Variants in SMCO2 observed in about 807,000 individuals in gnomAD.
The protein encoded by SMCO2 is single-pass membrane protein with coiled-coil domains 2.
Under a neutral mutation model 29.5 loss-of-function variants are expected in SMCO2, and 25 were observed. The observed-to-expected ratio is 0.85, with a 90% CI of 0.62 to 1.18. The LOEUF (loss-of-function observed/expected upper bound fraction) is 1.18. Among genes scored for constraint, SMCO2 ranks in the 50% most tolerant of loss-of-function variants. The probability of loss-of-function intolerance (pLI) is 0.00; values close to 1 mark genes in which losing one functional copy is unlikely to be tolerated. For missense variants in SMCO2, 348 were observed against 344.5 expected (o/e 1.01, Z -0.08); for synonymous variants, 117 against 123.3 (o/e 0.95, Z 0.34).
intron 4 of SMCO2, among the ~76,000 whole-genome samples, chr12:27,481,471 T>C (rs12316717): frequency 0.067 from 10,254 of 152,258 alleles, 723 homozygotes; most frequent in East Asian, 0.26. Flanking sequence ...AATATCAGAA[T>C]AACACTTGCC....
the SMCO2 span, among the ~76,000 whole-genome samples, chr12:27,458,086 G>A: frequency 3.3e-5 from 5 of 152,238 alleles, no homozygotes; most frequent in East Asian, 1.9e-4. Flanking sequence ...AATTGTATCC[G>A]CTTGTGCTTA....
chr12:27,455,905 G>A, the SMCO2 span, among the ~76,000 whole-genome samples: 1 of 152,256 alleles, frequency 6.6e-6, no homozygotes, highest in African/African-American at 2.4e-5. Flanking sequence ...TCACAGCAAT[G>A]TTACATACAA....
At chr12:27,428,316 A>T in the SMCO2 span, among the ~76,000 whole-genome samples, 1 of 152,216 alleles carries the variant, frequency 6.6e-6, no homozygotes, top group African/African-American at 2.4e-5. Flanking sequence ...TTCAACCTAC[A>T]CCCAGGAATG....
chr12:27,470,522 C>A, intron 1 of SMCO2, 100 bp from the exon 2 acceptor site: 4 of 1,339,746 alleles, frequency 3.0e-6, no homozygotes, highest in Non-Finnish European at 4.0e-6. Flanking sequence ...GGAATTAAAG[C>A]CAAATGCCCT....
chr12:27,493,532 C>CAA (rs60554184), intron 5 of SMCO2, among the ~76,000 whole-genome samples: 1 of 144,032 alleles, frequency 6.9e-6, no homozygotes, highest in African/African-American at 2.5e-5. Context: ...GACCTTGTCT[C>CAA]AAAAAAAAAA....
At chr12:27,493,120 G>A (rs188282204) in intron 5 of SMCO2, among the ~76,000 whole-genome samples, 17 of 152,244 alleles carry the variant, frequency 1.1e-4, no homozygotes, top group African/African-American at 3.6e-4. Flanking sequence ...TTATAAGTGG[G>A]AGCCAAATGA....
chr12:27,483,723 C>G (rs976698053), intron 4 of SMCO2, among the ~76,000 whole-genome samples: 31 of 152,106 alleles, frequency 2.0e-4, no homozygotes, highest in African/African-American at 7.5e-4. Context: ...TTATGCCCAT[C>G]CTTTTTCATT....
intron 4 of SMCO2, among the ~76,000 whole-genome samples, chr12:27,478,558 T>TG (rs768932923): frequency 9.2e-5 from 14 of 152,172 alleles, no homozygotes; most frequent in East Asian, 7.7e-4. Flanking sequence ...GGCAGTGAGC[T>TG]GGGGGGGCCA....
chr12:27,423,410 A>G, the SMCO2 span: 2 of 134,628 alleles, frequency 1.5e-5, no homozygotes, highest in African/African-American at 5.7e-5. Flanking sequence ...GCTCACTGCC[A>G]TCTCTGCCTC....
chr12:27,476,570 G>C (rs979541296), intron 4 of SMCO2, among the ~76,000 whole-genome samples: 3 of 151,882 alleles, frequency 2.0e-5, no homozygotes, highest in Non-Finnish European at 4.4e-5. Context: ...ATTTAGAATT[G>C]TTATATCCTC....
At chr12:27,468,520 A>G (rs1949516093) in intron 1 of SMCO2, among the ~76,000 whole-genome samples, 1 of 152,222 alleles carries the variant, frequency 6.6e-6, no homozygotes, top group East Asian at 1.9e-4. Context: ...GAGTTGTCCA[A>G]CATGATAGTC....
At chr12:27,478,902 A>C (rs1949615440) in intron 4 of SMCO2, among the ~76,000 whole-genome samples, 1 of 152,064 alleles carries the variant, frequency 6.6e-6, no homozygotes, top group South Asian at 2.1e-4. Flanking sequence ...CCCCAGTGCT[A>C]TTGATGGTGG....
chr12:27,454,276 GCC>G, the SMCO2 span, among the ~76,000 whole-genome samples: 2 of 152,190 alleles, frequency 1.3e-5, no homozygotes, highest in Non-Finnish European at 2.9e-5. Context: ...GAGCCACCAT[GCC>G]TGGCCCTCTC....
At chr12:27,431,431 TCTC>T in the SMCO2 span, among the ~76,000 whole-genome samples, 1 of 152,136 alleles carries the variant, frequency 6.6e-6, no homozygotes, top group Admixed American at 6.5e-5. Flanking sequence ...CATTTCCTCT[TCTC>T]CTCAGCCACT....
the SMCO2 span, among the ~76,000 whole-genome samples, chr12:27,429,167 G>A: frequency 3.9e-5 from 6 of 151,990 alleles, no homozygotes; most frequent in Admixed American, 3.3e-4. Flanking sequence ...TTGTAGTAAC[G>A]TATTAGTAGC....
the SMCO2 span, among the ~76,000 whole-genome samples, chr12:27,440,366 A>G: frequency 6.7e-6 from 1 of 148,650 alleles, no homozygotes; most frequent in African/African-American, 2.6e-5. Flanking sequence ...TAGTTCTTCA[A>G]TCTGAAAGAA....
At chr12:27,438,865 T>C in the SMCO2 span, among the ~76,000 whole-genome samples, 13 of 149,790 alleles carry the variant, frequency 8.7e-5, no homozygotes, top group Admixed American at 8.2e-4. Context: ...GATGAGACAG[T>C]TCCTGGGGCC....
At chr12:27,459,143 C>T in the SMCO2 span, among the ~76,000 whole-genome samples, 11 of 142,456 alleles carry the variant, frequency 7.7e-5, no homozygotes, top group East Asian at 2.1e-4. Context: ...GCCAAGATCG[C>T]GCCACTGCAC....
At position 27,472,789 on chromosome 12, in the gene SMCO2, A is replaced by G. The variant is rs1949552106; in HGVS notation, c.148A>G (p.Ile50Val). The G allele has an allele frequency of 6.4e-7, 1 of 1,550,584 alleles. No homozygotes were observed. The change falls in exon 3 of 8, where the codon ATT becomes GTT. Residue 50 changes from isoleucine (I) to valine (V), a missense_variant. By Grantham distance (29) the Ile-to-Val change is conservative (BLOSUM62 3). Coordinates refer to ENST00000298876, the Ensembl canonical transcript of SMCO2. Reference sequence around the variant, plus strand: ...TGTGGCTTGCAGTTTGCTAAAGGAAATTATCAAAGTGGACCACATCTTAGA... The same window carrying G: ...TGTGGCTTGCAGTTTGCTAAAGGAAGTTATCAAAGTGGACCACATCTTAGA...
Sources: allele counts gnomAD v4.1 joint callset (sites outside exome capture counted in the v4.1 genomes callset), GRCh38; gene constraint gnomAD v4.1.1; transcripts MANE v1.5; gene names NCBI Gene and HGNC (gene_info 2026-07-23, HGNC 2026-07-21).